LRMDA: variants seen among roughly 807,000 people sequenced by gnomAD.
LRMDA encodes leucine-rich melanocyte differentiation-associated protein.
A neutral mutation model predicts 29.8 loss-of-function variants in LRMDA; 18 were observed. The ratio of observed to expected loss-of-function variants is 0.60; its 90% CI spans 0.42 to 0.90. The LOEUF is 0.90. LRMDA is among the 40% of genes least tolerant of loss of function. LRMDA has a pLI of 0.00. For missense variants in LRMDA, 273 were observed against 273.9 expected (o/e 1.00, Z 0.02); for synonymous variants, 125 against 109.4 (o/e 1.14, Z -0.89).
At chr10:76,002,958 T>C (rs1847585984) in intron 2 of LRMDA, among the ~76,000 whole-genome samples, 1 of 152,148 alleles carries the variant, frequency 6.6e-6, no homozygotes, top group South Asian at 2.1e-4. Context: ...CAATCTGCAG[T>C]TTATTTATTT....
rs376865679 is a variant in LRMDA at position 76,219,657 on chromosome 10, G to A, written c.517-104744G>A. On this transcript the variant is annotated intron_variant, in intron 5 of 6. Transcript: ENST00000611255. ...TACAAAGAGACTTAGACTCCCACAC[G>A]TTAATAATGGGAGACTTTAACACCC... Among the ~76,000 whole-genome samples, 179 of 152,170 alleles carry A rather than the reference G, an allele frequency of 1.2e-3. 3 individuals carry two copies. The East Asian group carries it at 0.028, about 24-fold the overall frequency.
At chr10:76,143,979 T>A (rs578006707) in intron 5 of LRMDA, among the ~76,000 whole-genome samples, 2 of 152,308 alleles carry the variant, frequency 1.3e-5, no homozygotes, top group South Asian at 4.1e-4. Flanking sequence ...TTTTGTCAGG[T>A]TTGTTAAAGA....
At chr10:76,126,186 G>A (rs533533535) in intron 5 of LRMDA, among the ~76,000 whole-genome samples, 31 of 152,304 alleles carry the variant, frequency 2.0e-4, no homozygotes, top group Non-Finnish European at 2.9e-4. Context: ...GTGTGGCCTC[G>A]AGAGCATTGA....
intron 2 of LRMDA, among the ~76,000 whole-genome samples, chr10:75,943,937 G>A (rs150023225): frequency 1.3e-5 from 2 of 152,206 alleles, no homozygotes; most frequent in East Asian, 1.9e-4. Context: ...TGCTTAAATC[G>A]CTATATATCT....
intron 5 of LRMDA, among the ~76,000 whole-genome samples, chr10:76,225,383 C>G (rs1306011200): frequency 6.6e-6 from 1 of 151,924 alleles, no homozygotes; most frequent in Non-Finnish European, 1.5e-5. Context: ...TGCCACCGCA[C>G]TCCAGCCTCA....
At chr10:76,442,101 T>C (rs1018744799) in intron 6 of LRMDA, among the ~76,000 whole-genome samples, 15 of 152,210 alleles carry the variant, frequency 9.9e-5, no homozygotes, top group African/African-American at 3.6e-4. Context: ...ATCATGTAAT[T>C]CTTAAAGATT....
intron 6 of LRMDA, among the ~76,000 whole-genome samples, chr10:76,531,438 A>G (rs1843232803): frequency 6.6e-6 from 1 of 152,184 alleles, no homozygotes; most frequent in Admixed American, 6.6e-5. Context: ...GTTTGTAGAT[A>G]ACTTTTATCA....
intron 2 of LRMDA, among the ~76,000 whole-genome samples, chr10:75,986,888 T>C (rs1030801214): frequency 6.6e-6 from 1 of 152,242 alleles, no homozygotes; most frequent in African/African-American, 2.4e-5. Flanking sequence ...GAGATTCACT[T>C]TACTGGTATC....
At chr10:75,563,520 T>G (rs1277325545) in intron 2 of LRMDA, among the ~76,000 whole-genome samples, 1 of 152,172 alleles carries the variant, frequency 6.6e-6, no homozygotes, top group African/African-American at 2.4e-5. Flanking sequence ...GAAGCCTTCT[T>G]CTCTCAACTC....
intron 2 of LRMDA, among the ~76,000 whole-genome samples, chr10:75,577,231 T>A (rs1407879209): frequency 2.0e-5 from 3 of 152,024 alleles, no homozygotes. Context: ...GCACGAGAAC[T>A]TCGTGAAGCA....
At chr10:76,099,053 C>T (rs1317473376) in intron 5 of LRMDA, among the ~76,000 whole-genome samples, 1 of 152,140 alleles carries the variant, frequency 6.6e-6, no homozygotes, top group Non-Finnish European at 1.5e-5. Context: ...GTGATGTTAT[C>T]CTGAGGAGCA....
At chr10:76,423,252 G>A (rs994947677) in intron 6 of LRMDA, among the ~76,000 whole-genome samples, 2 of 152,092 alleles carry the variant, frequency 1.3e-5, no homozygotes, top group African/African-American at 2.4e-5. Context: ...AAAATTAGCC[G>A]AGTGTGATGG....
chr10:75,534,900 A>G (rs575425984), intron 2 of LRMDA, among the ~76,000 whole-genome samples: 1 of 152,326 alleles, frequency 6.6e-6, no homozygotes, highest in South Asian at 2.1e-4. Flanking sequence ...AAGTCTTGCT[A>G]GTATGAGCTT....
chr10:75,950,647 G>A (rs1042154938), intron 2 of LRMDA, among the ~76,000 whole-genome samples: 4 of 152,146 alleles, frequency 2.6e-5, no homozygotes, highest in African/African-American at 4.8e-5. Flanking sequence ...AGTCCTCTTC[G>A]GGGACTTGTT....
chr10:76,556,354 GT>G (rs1191889883), intron 6 of LRMDA: 4 of 151,708 alleles, frequency 2.6e-5, no homozygotes, highest in Non-Finnish European at 5.9e-5. Context: ...TTTTGTTTTT[GT>G]TTTTTTGTTT....
chr10:75,560,817 T>G (rs1158554745), intron 2 of LRMDA, among the ~76,000 whole-genome samples: 1 of 152,150 alleles, frequency 6.6e-6, no homozygotes, highest in African/African-American at 2.4e-5. Context: ...TTTGATTCTG[T>G]TTATATGCTG....
intron 2 of LRMDA, among the ~76,000 whole-genome samples, chr10:75,648,629 C>G (rs1841559572): frequency 6.6e-6 from 1 of 152,076 alleles, no homozygotes; most frequent in Non-Finnish European, 1.5e-5. Context: ...CCTCTCTGTG[C>G]AAAACATCTA....
At chr10:75,885,338 C>G (rs990839929) in intron 2 of LRMDA, among the ~76,000 whole-genome samples, 1 of 152,204 alleles carries the variant, frequency 6.6e-6, no homozygotes, top group African/African-American at 2.4e-5. Flanking sequence ...GTAACTGTTT[C>G]GGATGTGATC....
chr10:76,224,077 GCAT>G (rs2132262334), intron 5 of LRMDA, among the ~76,000 whole-genome samples: 1 of 152,160 alleles, frequency 6.6e-6, no homozygotes, highest in Admixed American at 6.5e-5. Context: ...GGGCCCCTCA[GCAT>G]CACAGTGGTT....
Sources: allele counts gnomAD v4.1 joint callset (sites outside exome capture counted in the v4.1 genomes callset), GRCh38; gene constraint gnomAD v4.1.1; transcripts MANE v1.5; gene names NCBI Gene and HGNC (gene_info 2026-07-23, HGNC 2026-07-21).